ATRNL1: variants seen among roughly 807,000 people sequenced by gnomAD.
ATRNL1 encodes attractin like 1, also known as attractin-like protein 1.
ATRNL1 carries 95 observed loss-of-function variants against 182.7 expected under a neutral mutation model. The ratio of observed to expected loss-of-function variants is 0.52; its 90% CI spans 0.44 to 0.62. The LOEUF is 0.62. ATRNL1 is among the 20% of genes least tolerant of loss of function. The pLI, the probability that ATRNL1 is intolerant of heterozygous loss-of-function variation, is 0.00. For synonymous variants in ATRNL1, 576 were observed against 568.3 expected, an observed-to-expected ratio of 1.01 and a Z score of -0.19; for missense variants, 1,471 against 1,679.5, an observed-to-expected ratio of 0.88 and a Z score of 2.17.
chr10:115,808,043 C>T (rs559974983), intron 27 of ATRNL1, among the ~76,000 whole-genome samples: 1 of 152,228 alleles, frequency 6.6e-6, no homozygotes, highest in South Asian at 2.1e-4. Context: ...TACCTTTTAT[C>T]ATTCCATCTT....
intron 19 of ATRNL1, among the ~76,000 whole-genome samples, chr10:115,378,104 G>A (rs1478677399): frequency 6.6e-6 from 1 of 151,976 alleles, no homozygotes; most frequent in Non-Finnish European, 1.5e-5. Context: ...CTGCTTCAGG[G>A]TCTACACCTG....
chr10:115,726,155 G>A (rs1256327093), intron 26 of ATRNL1, among the ~76,000 whole-genome samples: 2 of 151,518 alleles, frequency 1.3e-5, no homozygotes, highest in African/African-American at 4.8e-5. Flanking sequence ...TAAATAATTT[G>A]GCCTGTGTTC....
At chr10:115,641,722 G>T (rs1859259672) in intron 26 of ATRNL1, among the ~76,000 whole-genome samples, 3 of 151,812 alleles carry the variant, frequency 2.0e-5, no homozygotes, top group African/African-American at 7.3e-5. Flanking sequence ...TTGTAATTTT[G>T]CACTGTAAGA....
intron 18 of ATRNL1, among the ~76,000 whole-genome samples, chr10:115,320,005 C>A (rs900208666): frequency 6.6e-6 from 1 of 151,606 alleles, no homozygotes; most frequent in African/African-American, 2.4e-5. Context: ...CTTTATATCT[C>A]GGTGTGTTTT....
chr10:115,136,168 AT>A (rs1845506255), intron 5 of ATRNL1, among the ~76,000 whole-genome samples: 1 of 152,046 alleles, frequency 6.6e-6, no homozygotes. Flanking sequence ...GTTGTATAAT[AT>A]TTAATTTTGT....
rs150048454 is a variant in ATRNL1 at position 115,519,192 on chromosome 10, A to G, written c.3655-71A>G. The G allele has an allele frequency of 5.6e-4, 702 of 1,254,990 alleles. 2 individuals are homozygous for G. The African/African-American group carries it at 9.0e-3, about 16-fold the overall frequency. 77.7% of individuals were successfully genotyped at this position (1,254,990 alleles called of 1,614,324 possible). A position where few individuals can be genotyped will look rare whatever the true frequency, so the allele number is the denominator to read the frequency against. On this transcript the variant is annotated intron_variant, in intron 24 of 28. Coordinates refer to ENST00000355044, the MANE Select transcript of ATRNL1 (RefSeq NM_207303.4). ...GTGATTTAGAAAAACTGTATTTACA[A>G]ATGTCATGAAATATCACCACAGGTT... is the stretch of plus-strand genomic sequence containing the variant.
chr10:115,554,387 A>G (rs1441567692), intron 26 of ATRNL1, among the ~76,000 whole-genome samples: 1 of 151,640 alleles, frequency 6.6e-6, no homozygotes, highest in Non-Finnish European at 1.5e-5. Flanking sequence ...TAACTTGAGA[A>G]GTCAAATATG....
chr10:115,245,322 A>G (rs968234413), intron 10 of ATRNL1, among the ~76,000 whole-genome samples: 3 of 151,810 alleles, frequency 2.0e-5, no homozygotes, highest in Non-Finnish European at 4.4e-5. Context: ...AACATGGAGA[A>G]ACCCCGTCTC....
chr10:115,143,983 CTTT>C (rs58145958), intron 5 of ATRNL1, among the ~76,000 whole-genome samples: 11 of 139,530 alleles, frequency 7.9e-5, no homozygotes, highest in Non-Finnish European at 9.4e-5. Flanking sequence ...TTTTTTGTTT[CTTT>C]TTTTTTTTTT....
chr10:115,824,557 G>T (rs1223849715), intron 27 of ATRNL1, among the ~76,000 whole-genome samples: 13 of 151,580 alleles, frequency 8.6e-5, no homozygotes, highest in Non-Finnish European at 1.2e-4. Flanking sequence ...AATCTACAAG[G>T]AACTTAAAGA....
intron 21 of ATRNL1, among the ~76,000 whole-genome samples, chr10:115,426,814 TC>T (rs1365537838): frequency 4.6e-5 from 7 of 152,170 alleles, no homozygotes; most frequent in African/African-American, 1.7e-4. Flanking sequence ...AACCCCTGCC[TC>T]CCAGGTTCAA....
At chr10:115,673,649 C>G (rs1945770289) in intron 26 of ATRNL1, among the ~76,000 whole-genome samples, 1 of 152,088 alleles carries the variant, frequency 6.6e-6, no homozygotes, top group Non-Finnish European at 1.5e-5. Context: ...ATATAACCAA[C>G]TTCAACATCT....
intron 26 of ATRNL1, among the ~76,000 whole-genome samples, chr10:115,595,950 A>T (rs2769394): frequency 6.6e-6 from 1 of 151,852 alleles, no homozygotes; most frequent in Non-Finnish European, 1.5e-5. Flanking sequence ...TCAAGTCAAA[A>T]GATAACAGCT....
At chr10:115,450,456 A>G (rs1592676794) in intron 21 of ATRNL1, among the ~76,000 whole-genome samples, 1 of 152,346 alleles carries the variant, frequency 6.6e-6, no homozygotes, top group East Asian at 1.9e-4. Context: ...AAATCACTGT[A>G]CAAAAGTTAC....
Position 115,549,510 on chromosome 10 carries a change from A to T in ATRNL1, c.3769A>T (p.Thr1257Ser), listed in dbSNP as rs1489084729. 2 of 1,601,214 alleles carry T rather than the reference A, an allele frequency of 1.2e-6. No individual in the cohort carries two copies. The highest frequency in any genetic ancestry group is 2.7e-5 in the African/African-American group (2 of 74,378). The change falls in exon 26 of 29, where the codon ACT becomes TCT. Residue 1257 changes from threonine to serine, a missense_variant. This residue lies in a region of ATRNL1 where 437 missense variants were observed against 506.0 expected (regional missense o/e 0.86). Coordinates refer to ENST00000355044, the MANE Select transcript of ATRNL1 (RefSeq NM_207303.4). Reference protein sequence around the residue: ...VAAVVWKIKQTCWASRRREQL... With the variant: ...VAAVVWKIKQSCWASRRREQL... ...TGCTGTGGTATGGAAGATCAAACAA[A>T]CTTGTTGGGCTTCTCGACGGAGAGA...
rs1359431114 is a variant in ATRNL1 at position 115,878,693 on chromosome 10, C to T, written c.4018+30702C>T. Among the ~76,000 whole-genome samples the T allele has an allele frequency of 2.6e-5, 4 of 152,062 alleles. No individual in the cohort carries two copies. The East Asian group carries it at 7.7e-4, about 29-fold the overall frequency. On this transcript the variant is annotated intron_variant, in intron 28 of 28. Coordinates refer to ENST00000355044, the MANE Select transcript of ATRNL1 (RefSeq NM_207303.4). ...AGTCCTGCTTGACATTGTATTGGAG[C>T]CTTACAGTTTCAAGACTCTCGGTTG...
intron 25 of ATRNL1, among the ~76,000 whole-genome samples, chr10:115,545,136 G>A (rs1228075028): frequency 6.6e-6 from 1 of 150,612 alleles, no homozygotes; most frequent in Non-Finnish European, 1.5e-5. Context: ...TAGGGAGGCT[G>A]AGGCAGGAGA....
chr10:115,145,703 G>A (rs1269461381), intron 5 of ATRNL1, among the ~76,000 whole-genome samples: 1 of 152,106 alleles, frequency 6.6e-6, no homozygotes, highest in Non-Finnish European at 1.5e-5. Flanking sequence ...TTCAGATTCA[G>A]TACATACTAA....
At chr10:115,381,516 G>A (rs143737674) in intron 19 of ATRNL1, among the ~76,000 whole-genome samples, 1,806 of 147,410 alleles carry the variant, frequency 0.012, 38 homozygotes, top group African/African-American at 0.042. Flanking sequence ...CAGGTGATCC[G>A]CCCGTCTCGG....
Sources: gnomAD v4.1 joint callset for allele counts (sites outside exome capture counted in the v4.1 genomes callset) on GRCh38, gnomAD v4.1.1 for gene constraint, gnomAD v4.1.1 regional missense constraint, MANE v1.5 for transcripts, NCBI Gene and HGNC (gene_info 2026-07-23, HGNC 2026-07-21) for gene names.